The following UNC79 variants were observed in gnomAD, a reference collection of about 807,000 sequenced individuals.
The protein encoded by UNC79 is protein unc-79 homolog.
Under a neutral mutation model 283.1 loss-of-function variants are expected in UNC79, and 37 were observed. The ratio of observed to expected loss-of-function variants is 0.13; its 90% CI spans 0.10 to 0.17. The LOEUF (loss-of-function observed/expected upper bound fraction) is 0.17. UNC79 is among the 10% of genes least tolerant of loss of function. The pLI is 1.00. For missense variants in UNC79, 2,272 were observed against 3,211.1 expected, an observed-to-expected ratio of 0.71 and a Z score of 7.07; for synonymous variants, 1,107 against 1,200.2, an observed-to-expected ratio of 0.92 and a Z score of 1.61.
intron 1 of UNC79, among the ~76,000 whole-genome samples, chr14:93,444,119 A>C (rs1044616546): frequency 2.7e-4 from 41 of 152,200 alleles, no homozygotes; most frequent in Non-Finnish European, 3.2e-4. Context: ...TGGTATTCAC[A>C]GTCTATTTAA....
In UNC79 at chr14:93,682,612, A is replaced by G; in HGVS notation, c.6742-5A>G. The stretch of plus-strand genomic sequence containing the variant: ...AAAATAATTATCCTTTCACTTTTTT[A>G]TTAGTTTATTTGTGCAGATGCTGGA... On this transcript the variant is annotated splice_polypyrimidine_tract_variant and splice_region_variant and intron_variant, in intron 41 of 48. Transcript: ENST00000555664. 6.2e-7 allele frequency: 1 copy of G among 1,612,292 alleles called. No homozygotes were observed. The highest frequency in any genetic ancestry group is 8.5e-7 in the Non-Finnish European group (1 of 1,179,006).
chr14:93,602,896 C>T (rs1309110079), intron 25 of UNC79, among the ~76,000 whole-genome samples: 1 of 152,124 alleles, frequency 6.6e-6, no homozygotes, highest in East Asian at 1.9e-4. Flanking sequence ...CCACCATGGC[C>T]TCCCAAAGTG....
chr14:93,645,632 G>A (rs574451865), intron 34 of UNC79, among the ~76,000 whole-genome samples: 3 of 152,208 alleles, frequency 2.0e-5, no homozygotes, highest in South Asian at 4.1e-4. Flanking sequence ...TAACGCTTTC[G>A]TGGATCACTC....
At chr14:93,597,789 C>T (rs956111290) in intron 24 of UNC79, among the ~76,000 whole-genome samples, 4 of 152,142 alleles carry the variant, frequency 2.6e-5, no homozygotes, top group East Asian at 3.9e-4. Context: ...CATTAGGGCC[C>T]TGCCCTTATG....
chr14:93,408,762 C>T (rs1026044946), intron 1 of UNC79, among the ~76,000 whole-genome samples: 2 of 152,046 alleles, frequency 1.3e-5, no homozygotes, highest in Non-Finnish European at 2.9e-5. Flanking sequence ...AACAAATGTA[C>T]CACATTAAAG....
chr14:93,515,376 A>T (rs1403134002), intron 7 of UNC79, among the ~76,000 whole-genome samples: 1 of 151,538 alleles, frequency 6.6e-6, no homozygotes, highest in Non-Finnish European at 1.5e-5. Context: ...GTTTCTGATG[A>T]CTCAGTGTTC....
At chr14:93,395,416 G>C (rs1421290395) in intron 1 of UNC79, among the ~76,000 whole-genome samples, 1 of 152,182 alleles carries the variant, frequency 6.6e-6, no homozygotes, top group Non-Finnish European at 1.5e-5. Context: ...CATGACAAAA[G>C]GCAAAAGGGG....
chr14:93,339,885 C>A (rs556702692), intron 1 of UNC79, among the ~76,000 whole-genome samples: 1 of 152,336 alleles, frequency 6.6e-6, no homozygotes, highest in Admixed American at 6.5e-5. Flanking sequence ...GCAATATTGA[C>A]TGACTTGTGG....
intron 43 of UNC79, 22 bp downstream of exon 46, chr14:93,686,683 C>T (rs370465574): frequency 3.7e-6 from 6 of 1,613,282 alleles, no homozygotes; most frequent in Admixed American, 3.3e-5. Flanking sequence ...GCCACCTGCT[C>T]ATCCCTCAGG....
intron 30 of UNC79, among the ~76,000 whole-genome samples, chr14:93,629,096 G>T (rs1168737605): frequency 1.3e-5 from 2 of 152,124 alleles, no homozygotes; most frequent in African/African-American, 4.8e-5. Context: ...CTACTCAGAA[G>T]ACTGAGGCAG....
chr14:93,620,650 C>G (rs1337192018), intron 29 of UNC79, among the ~76,000 whole-genome samples: 1 of 152,192 alleles, frequency 6.6e-6, no homozygotes, highest in African/African-American at 2.4e-5. Context: ...CAAGAAGCCT[C>G]TCCTTAAAAA....
chr14:93,654,429 G>C (rs1445081237), intron 37 of UNC79, among the ~76,000 whole-genome samples: 1 of 151,986 alleles, frequency 6.6e-6, no homozygotes. Context: ...TCAGGAGTTG[G>C]GGGCTGCAGT....
At chr14:93,640,644 A>G (rs1211099961) in intron 32 of UNC79, among the ~76,000 whole-genome samples, 3 of 151,858 alleles carry the variant, frequency 2.0e-5, no homozygotes, top group Non-Finnish European at 2.9e-5. Flanking sequence ...ACAAACAAAC[A>G]CACTGATATT....
chr14:93,687,083 AGC>A (rs1466846329), intron 43 of UNC79, among the ~76,000 whole-genome samples: 1 of 152,160 alleles, frequency 6.6e-6, no homozygotes, highest in African/African-American at 2.4e-5. Flanking sequence ...AATTACCTTG[AGC>A]ATCAGTTTCC....
chr14:93,333,364 C>G (rs1262835188), exon 1 of UNC79: 1 of 398,502 alleles, frequency 2.5e-6, no homozygotes, highest in East Asian at 3.6e-5. Flanking sequence ...CACCAGATGG[C>G]CATTTCCACG....
intron 23 of UNC79, among the ~76,000 whole-genome samples, chr14:93,596,034 T>C (rs1036926210): frequency 6.6e-6 from 1 of 152,186 alleles, no homozygotes; most frequent in African/African-American, 2.4e-5. Flanking sequence ...AAGAGCAGAT[T>C]GCTGTCCTCA....
At chr14:93,418,681 C>T (rs1043285671) in intron 1 of UNC79, among the ~76,000 whole-genome samples, 18 of 151,794 alleles carry the variant, frequency 1.2e-4, no homozygotes, top group Non-Finnish European at 1.2e-4. Flanking sequence ...CCACCCAGTT[C>T]GAGCTTCCCG....
chr14:93,479,547 C>G (rs955134725), intron 4 of UNC79, among the ~76,000 whole-genome samples: 2 of 152,164 alleles, frequency 1.3e-5, no homozygotes, highest in Non-Finnish European at 2.9e-5. Context: ...ATCCACCCGC[C>G]TCAGCCTCCC....
intron 1 of UNC79, among the ~76,000 whole-genome samples, chr14:93,336,771 C>T (rs1031766014): frequency 6.6e-6 from 1 of 152,164 alleles, no homozygotes; most frequent in East Asian, 1.9e-4. Context: ...AGACAAGATT[C>T]ATAGATTCAA....
Sources: gnomAD v4.1 joint callset for allele counts (sites outside exome capture counted in the v4.1 genomes callset) on GRCh38, gnomAD v4.1.1 for gene constraint, MANE v1.5 for transcripts, NCBI Gene and HGNC (gene_info 2026-07-23, HGNC 2026-07-21) for gene names.